Variants in NHERF2 observed in about 807,000 individuals in gnomAD.
The protein encoded by NHERF2 is NHERF family PDZ scaffold protein 2.
At chr16:2,037,538 C>T in the NHERF2 span, 3 of 1,610,690 alleles carry the variant, frequency 1.9e-6, no homozygotes, top group Non-Finnish European at 2.5e-6. Context: ...GGTTTCCCAG[C>T]TCAATGGTGG....
chr16:2,034,377 C>A, the NHERF2 span, among the ~76,000 whole-genome samples: 4 of 104,546 alleles, frequency 3.8e-5, no homozygotes, highest in South Asian at 1.8e-3. Context: ...CCTGTCCCCA[C>A]GCCTTCCCTC....
At chr16:2,035,441 A>T in the NHERF2 span, 1 of 985,120 alleles carries the variant, frequency 1.0e-6, no homozygotes, top group Non-Finnish European at 1.2e-6. Flanking sequence ...GGGAGGTAGG[A>T]GGTGAGGGAA....
chr16:2,028,813 C>T, the NHERF2 span, among the ~76,000 whole-genome samples: 32 of 152,180 alleles, frequency 2.1e-4, no homozygotes, highest in African/African-American at 7.5e-4. Context: ...GCTTTCTCTC[C>T]GCGGGTGTGC....
chr16:2,033,241 G>A, the NHERF2 span: 1 of 1,515,004 alleles, frequency 6.6e-7, no homozygotes, highest in East Asian at 2.5e-5. Context: ...CATCCCCGGG[G>A]AGCCAGGGCC....
At chr16:2,036,750 G>C in the NHERF2 span, 1 of 1,613,178 alleles carries the variant, frequency 6.2e-7, no homozygotes. Context: ...AATGTGGAGG[G>C]ACTGCGCCAT....
At chr16:2,037,007 G>T in the NHERF2 span, 7 of 1,549,676 alleles carry the variant, frequency 4.5e-6, no homozygotes, top group Non-Finnish European at 6.1e-6. Context: ...AGGTAAGAGG[G>T]TGGGGTGCCC....
At chr16:2,028,492 C>T in the NHERF2 span, among the ~76,000 whole-genome samples, 9 of 152,192 alleles carry the variant, frequency 5.9e-5, no homozygotes, top group Non-Finnish European at 1.3e-4. Flanking sequence ...GTGGACTCTC[C>T]CCACTGCCCC....
At chr16:2,035,256 C>T in the NHERF2 span, 79 of 301,680 alleles carry the variant, frequency 2.6e-4, no homozygotes, top group Non-Finnish European at 3.5e-4. Context: ...CGGTCCCCCC[C>T]GCTGACATGG....
At chr16:2,033,213 AG>A in the NHERF2 span, 17 of 1,486,688 alleles carry the variant, frequency 1.1e-5, no homozygotes, top group African/African-American at 8.3e-5. Context: ...AGAGTGACTC[AG>A]CCCCCACGTC....
the NHERF2 span, among the ~76,000 whole-genome samples, chr16:2,031,352 G>T: frequency 1.3e-5 from 2 of 152,166 alleles, no homozygotes; most frequent in African/African-American, 4.8e-5. Context: ...CCAGGCTGAG[G>T]GTTGGGGCCT....
chr16:2,031,294 G>T, the NHERF2 span, among the ~76,000 whole-genome samples: 16 of 152,244 alleles, frequency 1.1e-4, 1 homozygote, highest in South Asian at 2.7e-3. Flanking sequence ...CAGGGCTGGT[G>T]GGGGGGCTGG....
At chr16:2,031,147 C>T in the NHERF2 span, among the ~76,000 whole-genome samples, 4 of 152,196 alleles carry the variant, frequency 2.6e-5, no homozygotes, top group African/African-American at 4.8e-5. Flanking sequence ...CCGGGGGGAG[C>T]GGCTTGGCAG....
At chr16:2,033,704 C>A in the NHERF2 span, among the ~76,000 whole-genome samples, 3 of 152,070 alleles carry the variant, frequency 2.0e-5, no homozygotes, top group African/African-American at 7.2e-5. Context: ...AGCCTGGAGC[C>A]CGTGGGAGCC....
the NHERF2 span, among the ~76,000 whole-genome samples, chr16:2,028,835 G>A: frequency 1.4e-4 from 21 of 152,230 alleles, no homozygotes; most frequent in African/African-American, 2.2e-4. Context: ...CTGGCCCCCC[G>A]CGTGGTCCAG....
At chr16:2,036,263 G>A in the NHERF2 span, 16 of 1,498,270 alleles carry the variant, frequency 1.1e-5, 1 homozygote, top group African/African-American at 1.4e-5. Flanking sequence ...CACCACCGGG[G>A]AGTGGCCTCT....
chr16:2,029,783 G>T, the NHERF2 span: 2 of 1,549,816 alleles, frequency 1.3e-6, no homozygotes, highest in Non-Finnish European at 1.7e-6. Flanking sequence ...TGGCAAGAAG[G>T]TATGGCGGGC....
chr16:2,037,783 C>T, the NHERF2 span: 152 of 1,555,600 alleles, frequency 9.8e-5, 1 homozygote, highest in African/African-American at 1.7e-3. Flanking sequence ...GGGTGTGGGA[C>T]TAGGGCTCAC....
At chr16:2,038,474 C>T in the NHERF2 span, 1 of 370,178 alleles carries the variant, frequency 2.7e-6, no homozygotes, top group South Asian at 1.9e-5. Context: ...ACAAACCTTT[C>T]TCTGCAAACC....
chr16:2,033,188 A>G, the NHERF2 span: 5 of 1,450,848 alleles, frequency 3.4e-6, no homozygotes, highest in Non-Finnish European at 4.5e-6. Context: ...GGGCTCAGTC[A>G]TCACCCTGCT....
Sources: allele counts gnomAD v4.1 joint callset (sites outside exome capture counted in the v4.1 genomes callset), GRCh38; gene constraint gnomAD v4.1.1; transcripts MANE v1.5; gene names NCBI Gene and HGNC (gene_info 2026-07-23, HGNC 2026-07-21).